Variants in IRAG2 observed in about 807,000 individuals in gnomAD.
The protein encoded by IRAG2 is inositol 1,4,5-triphosphate receptor associated 2, also known as lymphoid restricted membrane protein.
IRAG2 carries 45 observed loss-of-function variants against 69.9 expected under a neutral mutation model. The observed-to-expected ratio is 0.64, with a 90% CI of 0.51 to 0.83. IRAG2 has a LOEUF of 0.83. IRAG2 is among the 40% of genes least tolerant of loss of function. The probability of loss-of-function intolerance (pLI) is 0.00; values close to 1 mark genes in which losing one functional copy is unlikely to be tolerated. For synonymous variants in IRAG2, 193 were observed against 202.4 expected (o/e 0.95, Z 0.40); for missense variants, 520 against 587.0 (o/e 0.89, Z 1.18).
At chr12:25,050,544 C>CA (rs1944842759), upstream of IRAG2, among the ~76,000 whole-genome samples, 1 of 13,560 alleles carries the variant, frequency 7.4e-5, no homozygotes, top group African/African-American at 1.2e-4. Context: ...AACAAACAAA[C>CA]AAACAAACAA....
exon 1 of IRAG2, chr12:25,004,760 A>G: frequency 1.6e-6 from 2 of 1,232,136 alleles, no homozygotes; most frequent in Non-Finnish European, 2.0e-6. Context: ...CAGATCAGAA[A>G]AGCAGAGTTT....
upstream of IRAG2, among the ~76,000 whole-genome samples, chr12:25,050,599 T>A (rs1185802970): frequency 6.7e-6 from 1 of 148,848 alleles, no homozygotes; most frequent in Non-Finnish European, 1.5e-5. Context: ...AAAATTAAAC[T>A]ACCATCTGAT....
intron 19 of IRAG2, 126 bp from the exon 20 acceptor site, chr12:25,104,235 G>T: frequency 1.3e-6 from 1 of 797,220 alleles, no homozygotes; most frequent in Non-Finnish European, 2.0e-6. Flanking sequence ...TAGGAGATCT[G>T]TGAATGTGCC....
chr12:25,065,971 C>T (rs945113695), intron 4 of IRAG2, among the ~76,000 whole-genome samples: 1 of 152,076 alleles, frequency 6.6e-6, no homozygotes, highest in Non-Finnish European at 1.5e-5. Context: ...CATCTGGCTA[C>T]AGTGAAACTT....
At chr12:25,088,357 G>C (rs948546761) in intron 11 of IRAG2, among the ~76,000 whole-genome samples, 200 bp downstream of exon 11, 36 of 152,218 alleles carry the variant, frequency 2.4e-4, no homozygotes, top group Admixed American at 1.3e-4. Flanking sequence ...TGCGATCCCA[G>C]AAAACCTGTA....
chr12:25,070,889 G>A (rs1382839356), intron 6 of IRAG2, among the ~76,000 whole-genome samples: 2 of 152,094 alleles, frequency 1.3e-5, no homozygotes, highest in African/African-American at 2.4e-5. Flanking sequence ...GATTAATAAT[G>A]AACATCTTTT....
upstream of IRAG2, among the ~76,000 whole-genome samples, chr12:25,050,527 C>CAAAAAAAAAAA (rs747761089): frequency 4.2e-5 from 2 of 47,922 alleles, no homozygotes; most frequent in African/African-American, 8.8e-5. Flanking sequence ...GACTCCGTCT[C>CAAAAAAAAAAA]AAAAAAAACA....
Position 25,004,984 on chromosome 12 carries a change from G to A in IRAG2, c.574+69G>A, listed in dbSNP as rs1478023296. The A allele has an allele frequency of 5.1e-6, 5 of 977,040 alleles. No homozygotes were observed. The East Asian group carries it at 9.9e-5, about 19-fold the overall frequency. 60.5% of individuals were successfully genotyped at this position (977,040 alleles called of 1,614,324 possible). ...AAACATATCTACTTTTAGAATACCT[G>A]AACTAAAAAAAAATCTACATTATTA... is the stretch of plus-strand genomic sequence containing the variant. On this transcript the variant is annotated intron_variant, in intron 1 of 38. Coordinates refer to the IRAG2 transcript ENST00000636465.
intron 3 of IRAG2, among the ~76,000 whole-genome samples, chr12:25,013,866 CTTTTTTT>C (rs71063386): frequency 2.4e-4 from 19 of 79,532 alleles, no homozygotes; most frequent in African/African-American, 7.4e-4. Flanking sequence ...TTTTCTTTTT[CTTTTTTT>C]TTTTTTTTTT....
At chr12:25,004,094 A>T (rs984732182), upstream of IRAG2, among the ~76,000 whole-genome samples, 8 of 152,216 alleles carry the variant, frequency 5.3e-5, no homozygotes, top group Admixed American at 3.9e-4. Context: ...GCTTAGTACC[A>T]TGCCTGGCAC....
At chr12:25,017,153 G>A in exon 6 of IRAG2, 4 of 1,231,962 alleles carry the variant, frequency 3.2e-6, no homozygotes, top group Non-Finnish European at 4.0e-6. Context: ...TGATTTGATT[G>A]CCTACGTAGC....
chr12:25,059,598 T>C (rs1846017), intron 1 of IRAG2, among the ~76,000 whole-genome samples: 9,885 of 152,252 alleles, frequency 0.065, 437 homozygotes, highest in Non-Finnish European at 0.094. Flanking sequence ...AGGTGACCCA[T>C]CTGCCTCGGT....
intron 2 of IRAG2, among the ~76,000 whole-genome samples, chr12:25,005,821 A>C (rs1274606738): frequency 6.6e-6 from 1 of 152,214 alleles, no homozygotes; most frequent in Non-Finnish European, 1.5e-5. Flanking sequence ...CATTCTGGAC[A>C]TTGGCCTTGG....
At chr12:25,102,304 T>G (rs1592103873) in intron 17 of IRAG2, 63 bp downstream of exon 17, 1 of 1,382,906 alleles carries the variant, frequency 7.2e-7, no homozygotes, top group East Asian at 2.3e-5. Flanking sequence ...AAAATGTTAT[T>G]TGAAGTTTCA....
At chr12:25,097,180 T>C (rs1410329033) in intron 15 of IRAG2, 136 bp downstream of exon 15, 5 of 718,036 alleles carry the variant, frequency 7.0e-6, no homozygotes, top group Non-Finnish European at 1.1e-5. Flanking sequence ...GTTTAATACA[T>C]ATGTGTTTAA....
At chr12:25,085,666 G>A (rs1289165552) in intron 10 of IRAG2, among the ~76,000 whole-genome samples, 1 of 143,098 alleles carries the variant, frequency 7.0e-6, no homozygotes, top group Non-Finnish European at 1.5e-5. Flanking sequence ...ACTTAGGTCT[G>A]CAGGCACAGG....
At chr12:25,024,620 C>T (rs1565528716) in intron 8 of IRAG2, among the ~76,000 whole-genome samples, 1 of 152,106 alleles carries the variant, frequency 6.6e-6, no homozygotes, top group Non-Finnish European at 1.5e-5. Flanking sequence ...GTGAGGCTAT[C>T]AGAAGTATTT....
At chr12:25,035,927 G>A (rs574540953) in intron 14 of IRAG2, 76 of 396,428 alleles carry the variant, frequency 1.9e-4, no homozygotes, top group African/African-American at 1.5e-3. Flanking sequence ...GAAAAGCGAA[G>A]GTTTTTCTCA....
At chr12:25,105,825 T>C (rs1485338607) in intron 20 of IRAG2, among the ~76,000 whole-genome samples, 1 of 152,206 alleles carries the variant, frequency 6.6e-6, no homozygotes, top group East Asian at 1.9e-4. Flanking sequence ...AAGTCTATCA[T>C]ATTTATTTCC....
Sources: allele counts gnomAD v4.1 joint callset (sites outside exome capture counted in the v4.1 genomes callset), GRCh38; gene constraint gnomAD v4.1.1; transcripts MANE v1.5; gene names NCBI Gene and HGNC (gene_info 2026-07-23, HGNC 2026-07-21).